The following DNAH10 variants were observed in gnomAD, a reference collection of about 807,000 sequenced individuals.
DNAH10 encodes dynein axonemal heavy chain 10.
Under a neutral mutation model 506.6 loss-of-function variants are expected in DNAH10, and 348 were observed. The ratio of observed to expected loss-of-function variants is 0.69; its 90% confidence interval spans 0.63 to 0.75. DNAH10 has a LOEUF of 0.75. Ranked by LOEUF, DNAH10 falls within the 30% of genes least tolerant of loss-of-function variation. The pLI is 0.00. For missense variants in DNAH10, 5,179 were observed against 5,787.1 expected (o/e 0.89, Z 3.41); for synonymous variants, 2,059 against 2,198.6 (o/e 0.94, Z 1.78).
intron 24 of DNAH10, among the ~76,000 whole-genome samples, chr12:123,821,208 C>T (rs1269281234): frequency 6.6e-6 from 1 of 151,940 alleles, no homozygotes; most frequent in African/African-American, 2.4e-5. Context: ...CCAGATTGCG[C>T]CATTGCACTC....
At chr12:123,770,581 G>A (rs1189814010) in intron 2 of DNAH10, among the ~76,000 whole-genome samples, 1 of 150,784 alleles carries the variant, frequency 6.6e-6, no homozygotes, top group Non-Finnish European at 1.5e-5. Context: ...GCCAACCACG[G>A]TGCCAATGCC....
intron 29 of DNAH10, 118 bp from the exon 30 acceptor site, chr12:123,841,204 G>T: frequency 2.9e-6 from 3 of 1,028,428 alleles, no homozygotes; most frequent in Non-Finnish European, 4.5e-6. Context: ...CTGCGATCTC[G>T]GCTCACCGGT....
At chr12:123,838,784 G>T in intron 29 of DNAH10, 95 bp downstream of exon 29, 1 of 1,136,136 alleles carries the variant, frequency 8.8e-7, no homozygotes, top group Non-Finnish European at 1.3e-6. Context: ...CAACCCAGAG[G>T]GTTAAGACTG....
chr12:123,832,304 C>G (rs1200868415), intron 26 of DNAH10, among the ~76,000 whole-genome samples: 1 of 152,098 alleles, frequency 6.6e-6, no homozygotes, highest in African/African-American at 2.4e-5. Context: ...GATGTGCACA[C>G]AGTGTACCTA....
At chr12:123,852,739 AATTTTTAT>A (rs772821556) in intron 35 of DNAH10, among the ~76,000 whole-genome samples, 3 of 152,020 alleles carry the variant, frequency 2.0e-5, no homozygotes, top group Non-Finnish European at 4.4e-5. Context: ...ACGCCTGGCT[AATTTTTAT>A]ATTTTTAGTA....
At chr12:123,921,710 T>G (rs1353041511) in intron 65 of DNAH10, among the ~76,000 whole-genome samples, 6 of 123,158 alleles carry the variant, frequency 4.9e-5, no homozygotes, top group African/African-American at 9.7e-5. Context: ...TTTTTTTTTT[T>G]TTTTTTTTTT....
Position 123,926,235 on chromosome 12 carries a change from T to G in DNAH10, c.11922-402T>G, listed in dbSNP as rs1954933870. Among the ~76,000 whole-genome samples, 1 of 138,378 alleles carries G rather than the reference T, an allele frequency of 7.2e-6. No individual in the cohort carries two copies. Among genetic ancestry groups the G allele is most frequent in the South Asian group, 2.2e-4 (1 of 4,508 alleles). 90.8% of individuals were successfully genotyped at this position (138,378 alleles called of 152,430 possible). A position where few individuals can be genotyped will look rare whatever the true frequency, so the allele number is the denominator to read the frequency against. On this transcript the variant is annotated intron_variant, in intron 68 of 78. Transcript: ENST00000673944. This position sits in a 1 kb window ranked among gnomAD's most constrained non-coding sequence, Gnocchi z 4.1. ...AACAGAGTGAGATTATATATTTCAA[T>G]TTAAAAAAAAAAAAAAAAAAGAAAA... is the stretch of plus-strand genomic sequence containing the variant.
Position 123,841,329 on chromosome 12 carries a change from A to G in DNAH10, c.5144A>G (p.Asp1715Gly). ...GCCTCTCCCTGTTTGCAGATGTACG[A>G]CAACATAGCATCACTGAGGTTTAAT... ...CVQEHMIKMY[D>G]NIASLRFNDG... The change falls in exon 30 of 79, where the codon GAC becomes GGC. Residue 1715 changes from aspartate (D) to glycine (G), a missense_variant. By Grantham distance (94) the Asp-to-Gly change is moderately conservative. This residue lies in a region of DNAH10 where 4,844 missense variants were observed against 5,430.5 expected (regional missense o/e 0.89). Transcript: ENST00000673944. The G allele has an allele frequency of 1.2e-6, 2 of 1,614,000 alleles. No homozygotes were observed. Among genetic ancestry groups the G allele is most frequent in the Non-Finnish European group, 1.7e-6 (2 of 1,179,894 alleles).
rs770186268 is a variant in DNAH10, at chr12:123,929,402, T to C, written c.12434T>C (p.Phe4145Ser). ...CCGCTGGTCTACGTGCTGGCGTTCT[T>C]TCATGCTGTGGTGCAGGAGAGAAGG... ...FKPLVYVLAFFHAVVQERRKF... is the reference protein window; with the variant it reads ...FKPLVYVLAFSHAVVQERRKF... The change falls in exon 71 of 79, where the codon TTT becomes TCT. Residue 4145 changes from phenylalanine (F) to serine (S), a missense_variant. Around this residue, in one of 3 missense-constraint regions of DNAH10, gnomAD observed 4,844 missense variants for 5,430.5 expected, o/e 0.89. Coordinates refer to ENST00000673944, the MANE Select transcript of DNAH10 (RefSeq NM_001372106.1). 1.9e-6 allele frequency: 3 copies of C among 1,613,610 alleles called. No individual in the cohort carries two copies. The South Asian group carries it at 3.3e-5, about 18-fold the overall frequency.
intron 36 of DNAH10, among the ~76,000 whole-genome samples, chr12:123,854,098 C>T (rs535475888): frequency 2.4e-4 from 21 of 86,340 alleles, no homozygotes; most frequent in African/African-American, 8.3e-4. Context: ...TTGGAGGGGT[C>T]GAAGGAAGAG....
intron 33 of DNAH10, 103 bp from the exon 34 acceptor site, chr12:123,848,627 T>G: frequency 6.9e-7 from 1 of 1,453,988 alleles, no homozygotes; most frequent in Non-Finnish European, 9.3e-7. Flanking sequence ...TGCCAATCAG[T>G]GATCTCATTG....
At chr12:123,796,078 T>A (rs1422717207) in intron 12 of DNAH10, among the ~76,000 whole-genome samples, 1 of 152,140 alleles carries the variant, frequency 6.6e-6, no homozygotes, top group East Asian at 1.9e-4. Context: ...GATTTCCGGA[T>A]TTCTGATAAT....
At chr12:123,776,339 T>A (rs1420173752) in intron 5 of DNAH10, among the ~76,000 whole-genome samples, 1 of 151,888 alleles carries the variant, frequency 6.6e-6, no homozygotes, top group Non-Finnish European at 1.5e-5. Context: ...TGACTCTTGG[T>A]CCCAGCACTT....
chr12:123,876,653 TA>T (rs1200568081), intron 47 of DNAH10, among the ~76,000 whole-genome samples: 4 of 147,870 alleles, frequency 2.7e-5, no homozygotes, highest in Non-Finnish European at 6.0e-5. Flanking sequence ...ATAAAAAAAT[TA>T]AAAATAAGTA....
At chr12:123,825,431 C>T (rs1288785199) in intron 24 of DNAH10, among the ~76,000 whole-genome samples, 1 of 152,150 alleles carries the variant, frequency 6.6e-6, no homozygotes, top group Non-Finnish European at 1.5e-5. Context: ...TCATCCACAC[C>T]ACGGAATACT....
intron 59 of DNAH10, among the ~76,000 whole-genome samples, chr12:123,911,901 C>T (rs186074506): frequency 0.043 from 127 of 2,924 alleles, 10 homozygotes; most frequent in Non-Finnish European, 0.07. Context: ...GGGACTGTCC[C>T]GGGGGGTCTG....
In DNAH10 at chr12:123,914,885, C is replaced by T. The variant is rs757491374; in HGVS notation, c.10608C>T (p.Leu3536=). 2 of 1,613,696 alleles carry T rather than the reference C, an allele frequency of 1.2e-6. No homozygotes were observed. Among genetic ancestry groups the T allele is most frequent in the Non-Finnish European group, 1.7e-6 (2 of 1,179,832 alleles). The change falls in exon 62 of 79, where the codon CTC becomes CTT. Residue 3536 remains leucine (L), a synonymous_variant. Transcript: ENST00000673944. ...CCCAGGGCCTTCCCCCCGATGAGCT[C>T]TCCGTTCAGAATGGCATCCTCACCA... The part of the protein sequence containing the change: ...WGSQGLPPDE[L]SVQNGILTTR...
rs150995935 is a variant in DNAH10, at chr12:123,892,317, G to A, written c.8996-916G>A. ...AGCAGGCGCGTCCCATGGCCAGAGT[G>A]GGAGCAAGGTTGGGGGAGGGGCCAC... On this transcript the variant is annotated intron_variant, in intron 52 of 78. Transcript: ENST00000673944. Among the ~76,000 whole-genome samples the A allele has an allele frequency of 3.9e-3, 596 of 152,276 alleles. 5 individuals carry two copies. Among genetic ancestry groups the A allele is most frequent in the African/African-American group, 0.012 (503 of 41,542 alleles).
intron 76 of DNAH10, 48 bp from the exon 77 acceptor site, chr12:123,933,277 CTGGCAT>C: frequency 7.3e-7 from 1 of 1,365,462 alleles, no homozygotes. Flanking sequence ...CAGCTTTGAC[CTGGCAT>C]TGGATGGCAG....
Sources: allele counts gnomAD v4.1 joint callset (sites outside exome capture counted in the v4.1 genomes callset), GRCh38; gene constraint gnomAD v4.1.1; regional missense constraint gnomAD v4.1.1; non-coding constraint Gnocchi (gnomAD v3.1); transcripts MANE v1.5; gene names NCBI Gene and HGNC (gene_info 2026-07-23, HGNC 2026-07-21).